The following FCRL4 variants were observed in gnomAD, a reference collection of about 807,000 sequenced individuals.
The protein encoded by FCRL4 is Fc receptor-like protein 4.
Under a neutral mutation model 64.1 loss-of-function variants are expected in FCRL4, and 43 were observed. The observed-to-expected ratio is 0.67, with a 90% CI of 0.53 to 0.87. The LOEUF (loss-of-function observed/expected upper bound fraction) is 0.87. Among genes scored for constraint, FCRL4 ranks in the 40% least tolerant of loss-of-function variants. The probability of loss-of-function intolerance (pLI) is 0.00; values close to 1 mark genes in which losing one functional copy is unlikely to be tolerated. For missense variants in FCRL4, 656 were observed against 613.5 expected (o/e 1.07, Z -0.73); for synonymous variants, 253 against 239.8 (o/e 1.05, Z -0.51).
At position 157,587,994 on chromosome 1, in the gene FCRL4, T is replaced by C; in HGVS notation, c.433A>G (p.Ile145Val). The change falls in exon 4 of 12, where the codon ATT becomes GTT. Residue 145 changes from isoleucine to valine, a missense_variant. Physicochemically the swap from Ile to Val is conservative, Grantham distance 29. Coordinates refer to ENST00000271532, the MANE Select transcript of FCRL4 (RefSeq NM_031282.3). ...KYTWNGNILS[I>V]SNKSWDLLIP... ...AGAAGATCCCAGCTTTTATTAGAAA[T>C]GGAAAGAATGTTTCCATTCCAAGTA... is the stretch of plus-strand genomic sequence containing the variant. The C allele has an allele frequency of 6.2e-7, 1 of 1,613,310 alleles. No homozygotes were observed. Among genetic ancestry groups the C allele is most frequent in the Non-Finnish European group, 8.5e-7 (1 of 1,179,582 alleles).
Position 157,578,808 on chromosome 1 carries a change from C to T in FCRL4, c.1322G>A (p.Cys441Tyr). ...CGACTGAAGCTCCACCTGGGCAGGG[C>T]AGATGGAATGGGAGGACTCTCCTGG... is the stretch of plus-strand genomic sequence containing the variant. ...PGPGESSHSI[C>Y]PAQVELQSLY... The change falls in exon 9 of 12, where the codon TGC (cysteine) becomes TAC (tyrosine). Residue 441 changes from cysteine (C) to tyrosine (Y), a missense_variant. Physicochemically the swap from Cys to Tyr is radical, Grantham distance 194. Transcript: ENST00000271532. The T allele has an allele frequency of 6.2e-7, 1 of 1,613,924 alleles. No homozygotes were observed. Among genetic ancestry groups the T allele is most frequent in the Admixed American group, 1.7e-5 (1 of 60,006 alleles).
intron 4 of FCRL4, 136 bp downstream of exon 4, chr1:157,587,728 AC>A (rs1652735621): frequency 4.5e-6 from 5 of 1,115,868 alleles, no homozygotes; most frequent in South Asian, 1.6e-5. Flanking sequence ...CAATCACCCC[AC>A]TTTCTCTGCC....
intron 6 of FCRL4, among the ~76,000 whole-genome samples, chr1:157,585,681 T>G (rs963145831): frequency 2.0e-5 from 3 of 152,138 alleles, no homozygotes; most frequent in African/African-American, 7.2e-5. Flanking sequence ...ACATACAATT[T>G]GGCTGCTGAG....
chr1:157,596,284 A>T (rs1652962538), intron 2 of FCRL4, 44 bp downstream of exon 2: 6 of 1,584,364 alleles, frequency 3.8e-6, no homozygotes, highest in Non-Finnish European at 5.2e-6. Flanking sequence ...TATAGTTATT[A>T]GGGTATCTAG....
At position 157,589,342 on chromosome 1, in the gene FCRL4, A is replaced by T. The variant is rs1352664558; in HGVS notation, c.169T>A (p.Trp57Arg). 2 of 1,613,996 alleles carry T rather than the reference A, an allele frequency of 1.2e-6. No homozygotes were observed. Among genetic ancestry groups the T allele is most frequent in the African/African-American group, 2.7e-5 (2 of 74,874 alleles). Residue 57 changes from tryptophan to arginine, a missense_variant, in exon 3 of 12, where the codon TGG becomes AGG. Trp to Arg is a moderately radical substitution (Grantham distance 101, BLOSUM62 -3). Coordinates refer to ENST00000271532, the MANE Select transcript of FCRL4 (RefSeq NM_031282.3). ...TCTCCCCAGTAGTGCCGATGATACC[A>T]TGTTGTTTTCTCTGTTGCATAGAAC... ...FQFYATEKTT[W>R]YHRHYWGEKL...
intron 6 of FCRL4, among the ~76,000 whole-genome samples, chr1:157,584,926 T>C (rs1262117146): frequency 2.6e-5 from 4 of 152,158 alleles, no homozygotes; most frequent in Non-Finnish European, 2.9e-5. Flanking sequence ...ATCTGCTGAA[T>C]AGATAGAATA....
rs1325256578 is a variant in FCRL4 at position 157,580,346 on chromosome 1, C to G, written c.1252G>C (p.Val418Leu). 3 of 1,614,138 alleles carry G rather than the reference C, an allele frequency of 1.9e-6. No homozygotes were observed. The highest frequency in any genetic ancestry group is 2.5e-6 in the Non-Finnish European group (3 of 1,179,996). The stretch of plus-strand genomic sequence containing the variant: ...CTGGTTTCGTCTCCCAAGAAACCAA[C>G]TCCTGCAAAATAAAGCAAAGACGCA... ...FHCWRRRKSG[V>L]GFLGDETRLP... Residue 418 changes from valine to leucine, a missense_variant and splice_region_variant, in exon 8 of 12, where the codon GTT becomes CTT. Transcript: ENST00000271532.
chr1:157,596,015 T>A lies in FCRL4; in HGVS notation c.52+313A>T, dbSNP rs377398240. 6.0e-4 allele frequency among the ~76,000 whole-genome samples: 91 copies of A among 152,358 alleles called. 2 individuals are homozygous for A. The highest frequency in any genetic ancestry group is 2.1e-3 in the African/African-American group (89 of 41,598). Reference sequence around the variant, plus strand: ...TTCTACCCTTTTCCTCTTGGGATGCTATGCATTCCATCAGGCTTGGCTAGA... The same window carrying A: ...TTCTACCCTTTTCCTCTTGGGATGCAATGCATTCCATCAGGCTTGGCTAGA... On this transcript the variant is annotated intron_variant, in intron 2 of 11. Coordinates refer to ENST00000271532, the MANE Select transcript of FCRL4 (RefSeq NM_031282.3).
chr1:157,597,095 T>C (rs879670759), intron 1 of FCRL4, among the ~76,000 whole-genome samples: 1 of 152,186 alleles, frequency 6.6e-6, no homozygotes, highest in Non-Finnish European at 1.5e-5. Context: ...TGTTCTTGCA[T>C]GTGTACGTTG....
chr1:157,597,677 G>T (rs558523436), intron 1 of FCRL4, among the ~76,000 whole-genome samples: 3 of 152,126 alleles, frequency 2.0e-5, no homozygotes, highest in East Asian at 3.9e-4. Flanking sequence ...TCCATTTGGG[G>T]GTAAAATGAT....
intron 3 of FCRL4, among the ~76,000 whole-genome samples, chr1:157,588,983 G>T (rs1652772258): frequency 6.6e-6 from 1 of 152,234 alleles, no homozygotes; most frequent in Non-Finnish European, 1.5e-5. Flanking sequence ...TTTCTTGACT[G>T]TGTAAGTGTG....
Position 157,574,428 on chromosome 1 carries a change from A to G in FCRL4, c.*1096T>C, listed in dbSNP as rs1389406117. 4.7e-6 allele frequency: 1 copy of G among 213,710 alleles called. No individual in the cohort carries two copies. Among genetic ancestry groups the G allele is most frequent in the East Asian group, 7.0e-5 (1 of 14,252 alleles). 13.2% of individuals were successfully genotyped at this position (213,710 alleles called of 1,614,324 possible). A position where few individuals can be genotyped will look rare whatever the true frequency, so the allele number is the denominator to read the frequency against. Reference sequence around the variant, plus strand: ...TTTGTAGGTGGTATTGTACACTTCCATCAGGAGACCTCTAATATTTGGCTG... The same window carrying G: ...TTTGTAGGTGGTATTGTACACTTCCGTCAGGAGACCTCTAATATTTGGCTG... On this transcript the variant is annotated 3_prime_UTR_variant, in exon 12 of 12. Transcript: ENST00000271532.
chr1:157,573,997 T>A lies in FCRL4; in HGVS notation c.*1527A>T. 4.9e-6 allele frequency: 1 copy of A among 204,386 alleles called. No individual in the cohort carries two copies. 12.7% of individuals were successfully genotyped at this position (204,386 alleles called of 1,614,324 possible). ...CATGTCTCGTCTCATTTAATTTATA[T>A]GTCTTCTATTTTTCTTTTTCTCTTT... On this transcript the variant is annotated 3_prime_UTR_variant, in exon 12 of 12. Transcript: ENST00000271532.
rs775384031 is a variant in FCRL4, at chr1:157,587,373, G to A, written c.750C>T (p.Thr250=). The change falls in exon 5 of 12, where the codon ACC becomes ACT. Residue 250 remains threonine, a synonymous_variant. Coordinates refer to ENST00000271532, the MANE Select transcript of FCRL4 (RefSeq NM_031282.3). The part of the protein sequence containing the change: ...WSTYPELQLP[T]VWRENSGSYW... ...AGGATCCTGAGTTTTCTCTCCAGAC[G>A]GTTGGGAGCTGGAGTTCCGGGTACG... The A allele has an allele frequency of 3.9e-5, 63 of 1,614,078 alleles. No individual in the cohort carries two copies. Among genetic ancestry groups the A allele is most frequent in the South Asian group, 8.8e-5 (8 of 91,086 alleles).
At position 157,586,069 on chromosome 1, in the gene FCRL4, A is replaced by G. The variant is rs982911408; in HGVS notation, c.1135+99T>C. The G allele has an allele frequency of 1.4e-5, 18 of 1,251,102 alleles. No individual in the cohort carries two copies. In the Admixed American group the frequency reaches 2.3e-4, roughly 16 times the overall value. The allele number at this position is 1,251,102 out of a possible 1,614,324, so 77.5% of individuals were successfully genotyped here. A position where few individuals can be genotyped will look rare whatever the true frequency, so the allele number is the denominator to read the frequency against. The stretch of plus-strand genomic sequence containing the variant: ...CACAGTGGAGCATGGCAAAATGGAA[A>G]CAGAAACAGCAGAGTCACAGGGTAA... On this transcript the variant is annotated intron_variant, in intron 6 of 11. Transcript: ENST00000271532.
intron 10 of FCRL4, among the ~76,000 whole-genome samples, chr1:157,578,103 A>G (rs1265172086): frequency 6.6e-6 from 1 of 152,200 alleles, no homozygotes; most frequent in East Asian, 1.9e-4. Context: ...ATATACATAT[A>G]TGTGTATGTA....
At chr1:157,577,759 T>G (rs1401346982) in intron 10 of FCRL4, among the ~76,000 whole-genome samples, 1 of 152,186 alleles carries the variant, frequency 6.6e-6, no homozygotes, top group Non-Finnish European at 1.5e-5. Context: ...ATAGGCATAT[T>G]TGTAAGATGA....
chr1:157,587,873 T>C lies in FCRL4; in HGVS notation c.554A>G (p.Lys185Arg). The change falls in exon 4 of 12, where the codon AAA becomes AGA. Residue 185 changes from lysine (K) to arginine (R), a missense_variant. Lys to Arg is a conservative substitution (Grantham distance 26). Transcript: ENST00000271532. ...DVFRSNFKIIKIQELFPHPEL... is the reference protein window; with the variant it reads ...DVFRSNFKIIRIQELFPHPEL... ...TGAACTGAAAGATTCACCTTGAATT[T>C]TAATTATTTTGAAATTTGATCTAAA... 6.2e-7 allele frequency: 1 copy of C among 1,605,434 alleles called. No homozygotes were observed. Among genetic ancestry groups the C allele is most frequent in the Non-Finnish European group, 8.5e-7 (1 of 1,173,696 alleles).
chr1:157,584,166 G>A (rs1053893584), intron 6 of FCRL4, among the ~76,000 whole-genome samples: 3 of 152,148 alleles, frequency 2.0e-5, no homozygotes, highest in African/African-American at 4.8e-5. Flanking sequence ...TTCAGAATAA[G>A]AGCCTTCCTG....
Sources: allele counts gnomAD v4.1 joint callset (sites outside exome capture counted in the v4.1 genomes callset), GRCh38; gene constraint gnomAD v4.1.1; transcripts MANE v1.5; gene names NCBI Gene and HGNC (gene_info 2026-07-23, HGNC 2026-07-21).